MBD5: variants seen among roughly 807,000 people sequenced by gnomAD.
The protein encoded by MBD5 is methyl-CpG-binding domain protein 5.
A neutral mutation model predicts 117.3 loss-of-function variants in MBD5; 13 were observed. That is an observed-to-expected ratio of 0.11 (90% CI 0.07 to 0.18). MBD5 has a LOEUF of 0.18. Among genes scored for constraint, MBD5 ranks in the 10% least tolerant of loss-of-function variants. MBD5 has a pLI of 1.00. For missense variants in MBD5, 1,879 were observed against 2,093.8 expected (o/e 0.90, Z 2.00); for synonymous variants, 727 against 766.4 (o/e 0.95, Z 0.85).
chr2:148,368,303 A>C (rs754752182), intron 4 of MBD5, among the ~76,000 whole-genome samples: 1 of 152,104 alleles, frequency 6.6e-6, no homozygotes, highest in Non-Finnish European at 1.5e-5. Flanking sequence ...AGGGAGGGGA[A>C]CATCACACAC....
chr2:148,064,317 G>A (rs974866862), intron 1 of MBD5, among the ~76,000 whole-genome samples: 17 of 151,282 alleles, frequency 1.1e-4, no homozygotes, highest in African/African-American at 4.1e-4. Flanking sequence ...GGGTTTCTCC[G>A]TGTTAGCCAG....
chr2:148,466,502 C>A (rs983687704), intron 7 of MBD5, among the ~76,000 whole-genome samples: 3 of 151,892 alleles, frequency 2.0e-5, no homozygotes, highest in Non-Finnish European at 2.9e-5. Context: ...CATTGATACC[C>A]AAGAAAAAAT....
intron 1 of MBD5, among the ~76,000 whole-genome samples, chr2:148,095,455 A>G (rs909661279): frequency 6.6e-6 from 1 of 152,154 alleles, no homozygotes; most frequent in Non-Finnish European, 1.5e-5. Context: ...TGTAATACAC[A>G]TGCAATCTGT....
At chr2:148,124,108 G>T (rs1696832938) in intron 1 of MBD5, among the ~76,000 whole-genome samples, 1 of 152,024 alleles carries the variant, frequency 6.6e-6, no homozygotes, top group East Asian at 1.9e-4. Flanking sequence ...GCAAAACCCT[G>T]TCTCTACTAA....
At chr2:148,093,860 G>T (rs1696000618) in intron 1 of MBD5, among the ~76,000 whole-genome samples, 1 of 152,136 alleles carries the variant, frequency 6.6e-6, no homozygotes, top group Admixed American at 6.5e-5. Flanking sequence ...CTATCTGGAA[G>T]AGCAGAAGAA....
At chr2:148,172,821 G>C (rs1461076956) in intron 1 of MBD5, among the ~76,000 whole-genome samples, 1 of 152,116 alleles carries the variant, frequency 6.6e-6, no homozygotes, top group Non-Finnish European at 1.5e-5. Flanking sequence ...GGACTACCAG[G>C]TGCGGGAAGG....
At chr2:148,458,934 C>A in intron 5 of MBD5, 63 bp downstream of exon 5, 2 of 1,312,534 alleles carry the variant, frequency 1.5e-6, no homozygotes, top group Non-Finnish European at 2.2e-6. Flanking sequence ...AGGAGAGAAC[C>A]AAGCATGGTG....
At chr2:148,248,759 G>T (rs2106232978) in intron 3 of MBD5, among the ~76,000 whole-genome samples, 1 of 152,210 alleles carries the variant, frequency 6.6e-6, no homozygotes, top group South Asian at 2.1e-4. Context: ...TTAGTGATTA[G>T]TAGAGTGTGA....
intron 4 of MBD5, among the ~76,000 whole-genome samples, chr2:148,358,951 CT>C (rs1188861686): frequency 6.6e-6 from 1 of 151,988 alleles, no homozygotes; most frequent in Non-Finnish European, 1.5e-5. Flanking sequence ...TTATACCAGC[CT>C]TGGACTTCTA....
chr2:148,493,724 T>C (rs1291455726), intron 11 of MBD5, among the ~76,000 whole-genome samples: 1 of 152,184 alleles, frequency 6.6e-6, no homozygotes, highest in Non-Finnish European at 1.5e-5. Flanking sequence ...TGGTCTTTGG[T>C]GGGATAGTAA....
intron 3 of MBD5, chr2:148,244,363 G>T (rs1444035374): frequency 6.6e-6 from 1 of 151,958 alleles, no homozygotes; most frequent in African/African-American, 2.4e-5. Flanking sequence ...ATAAAGGGTG[G>T]GTAAAAGTAC....
chr2:148,057,514 C>T (rs1488923858), intron 1 of MBD5, among the ~76,000 whole-genome samples: 1 of 151,068 alleles, frequency 6.6e-6, no homozygotes, highest in Non-Finnish European at 1.5e-5. Flanking sequence ...GTGAGGATAT[C>T]TTTTTTTATT....
At chr2:148,118,641 G>A (rs772330977) in intron 1 of MBD5, among the ~76,000 whole-genome samples, 8 of 151,070 alleles carry the variant, frequency 5.3e-5, no homozygotes, top group East Asian at 3.9e-4. Context: ...TGTATTACCC[G>A]TCACAAAAAC....
At chr2:148,416,082 G>T (rs915265780) in intron 4 of MBD5, among the ~76,000 whole-genome samples, 6 of 152,284 alleles carry the variant, frequency 3.9e-5, no homozygotes, top group East Asian at 3.9e-4. Context: ...GCTCATCAGT[G>T]TGGCTTGGTG....
At chr2:148,501,144 T>C (rs1040990425) in intron 11 of MBD5, among the ~76,000 whole-genome samples, 2 of 152,246 alleles carry the variant, frequency 1.3e-5, no homozygotes, top group Admixed American at 6.5e-5. Flanking sequence ...GTTTTTCTCA[T>C]TGAATATTAG....
At chr2:148,338,590 T>C (rs1461635953) in intron 3 of MBD5, among the ~76,000 whole-genome samples, 1 of 152,102 alleles carries the variant, frequency 6.6e-6, no homozygotes, top group Admixed American at 6.5e-5. Flanking sequence ...AGTGGGGAAA[T>C]GACATTTCAG....
intron 4 of MBD5, among the ~76,000 whole-genome samples, chr2:148,447,119 G>A (rs1447462262): frequency 7.3e-6 from 1 of 137,084 alleles, no homozygotes; most frequent in Non-Finnish European, 1.6e-5. Context: ...GAGAAAGAAA[G>A]AAAGAAAAAG....
At chr2:148,251,202 C>G (rs1430894499) in intron 3 of MBD5, among the ~76,000 whole-genome samples, 1 of 152,082 alleles carries the variant, frequency 6.6e-6, no homozygotes, top group East Asian at 1.9e-4. Context: ...TATTTTATAA[C>G]AAAAAGGGCT....
At chr2:148,401,704 A>G (rs1206482534) in intron 4 of MBD5, among the ~76,000 whole-genome samples, 2 of 152,178 alleles carry the variant, frequency 1.3e-5, no homozygotes, top group African/African-American at 2.4e-5. Context: ...TCTAATTATC[A>G]AAACTAAGAC....
Sources: allele counts gnomAD v4.1 joint callset (sites outside exome capture counted in the v4.1 genomes callset), GRCh38; gene constraint gnomAD v4.1.1; transcripts MANE v1.5; gene names NCBI Gene and HGNC (gene_info 2026-07-23, HGNC 2026-07-21).